FHIT: variants seen among roughly 807,000 people sequenced by gnomAD.
FHIT encodes fragile histidine triad diadenosine triphosphatase, also known as bis(5'-adenosyl)-triphosphatase.
Under a neutral mutation model 17.9 loss-of-function variants are expected in FHIT, and 19 were observed. The observed-to-expected ratio is 1.06, with a 90% confidence interval of 0.74 to 1.56. The LOEUF (loss-of-function observed/expected upper bound fraction) is 1.56. FHIT is among the 40% of genes most tolerant of loss of function. The pLI, the probability that FHIT is intolerant of heterozygous loss-of-function variation, is 0.00. For missense variants in FHIT, 248 were observed against 189.2 expected, an observed-to-expected ratio of 1.31 and a Z score of -1.82; for synonymous variants, 81 against 69.7, an observed-to-expected ratio of 1.16 and a Z score of -0.81.
At chr3:60,757,835 G>A (rs1699500858) in intron 4 of FHIT, among the ~76,000 whole-genome samples, 1 of 152,174 alleles carries the variant, frequency 6.6e-6, no homozygotes, top group African/African-American at 2.4e-5. Flanking sequence ...TGTGAAGAAT[G>A]GATGACACGA....
chr3:59,784,092 T>C (rs371334198), intron 8 of FHIT, among the ~76,000 whole-genome samples: 59 of 152,300 alleles, frequency 3.9e-4, no homozygotes, highest in African/African-American at 1.3e-3. Context: ...GATATAAAAA[T>C]GATTGGACCG....
intron 8 of FHIT, among the ~76,000 whole-genome samples, chr3:59,861,976 T>C (rs1351855183): frequency 6.6e-6 from 1 of 151,080 alleles, no homozygotes; most frequent in Non-Finnish European, 1.5e-5. Flanking sequence ...ATGATGAATA[T>C]AAACAAAAAA....
At chr3:60,046,366 C>T (rs758656502) in intron 5 of FHIT, among the ~76,000 whole-genome samples, 4 of 152,228 alleles carry the variant, frequency 2.6e-5, no homozygotes, top group Non-Finnish European at 4.4e-5. Context: ...CCAGCTGCGT[C>T]TGTCAATGGA....
chr3:61,051,539 A>AC (rs1199024614), intron 2 of FHIT, among the ~76,000 whole-genome samples: 1 of 151,506 alleles, frequency 6.6e-6, no homozygotes, highest in Non-Finnish European at 1.5e-5. Context: ...CTGAGACACC[A>AC]CCCCTGGCTT....
intron 7 of FHIT, among the ~76,000 whole-genome samples, chr3:59,944,677 C>A (rs1706707400): frequency 6.6e-6 from 1 of 152,110 alleles, no homozygotes; most frequent in African/African-American, 2.4e-5. Context: ...TCCCTTCACC[C>A]ACCTTCTACA....
intron 5 of FHIT, among the ~76,000 whole-genome samples, chr3:60,145,328 T>C (rs1393613639): frequency 6.6e-6 from 1 of 152,238 alleles, no homozygotes; most frequent in Non-Finnish European, 1.5e-5. Context: ...ATGTAAATTA[T>C]GTACAAGCTT....
intron 8 of FHIT, among the ~76,000 whole-genome samples, chr3:59,802,232 T>G (rs1307651937): frequency 6.6e-6 from 1 of 152,184 alleles, no homozygotes; most frequent in Admixed American, 6.5e-5. Context: ...TTGGCAATAA[T>G]TAACTGTAGC....
At chr3:59,926,620 A>AG (rs1399624824) in intron 7 of FHIT, among the ~76,000 whole-genome samples, 1 of 152,224 alleles carries the variant, frequency 6.6e-6, no homozygotes, top group East Asian at 1.9e-4. Flanking sequence ...CCAACAGCCC[A>AG]GAGAACAAAT....
intron 3 of FHIT, among the ~76,000 whole-genome samples, chr3:60,972,158 T>C (rs914726404): frequency 6.6e-6 from 1 of 152,192 alleles, no homozygotes; most frequent in East Asian, 1.9e-4. Flanking sequence ...CATAGACACT[T>C]ACTTATATAT....
intron 5 of FHIT, among the ~76,000 whole-genome samples, chr3:60,412,663 G>T (rs1214825710): frequency 6.6e-6 from 1 of 152,044 alleles, no homozygotes; most frequent in African/African-American, 2.4e-5. Flanking sequence ...GTAACTCAAG[G>T]TTTCTCACCT....
chr3:61,082,590 T>C (rs2035174936), intron 2 of FHIT, among the ~76,000 whole-genome samples: 2 of 152,202 alleles, frequency 1.3e-5, no homozygotes. Flanking sequence ...TCACAGGGCC[T>C]ACAATTGTTT....
chr3:60,812,233 G>A (rs192158186), intron 4 of FHIT, among the ~76,000 whole-genome samples: 2 of 150,640 alleles, frequency 1.3e-5, no homozygotes, highest in African/African-American at 4.9e-5. Context: ...AGTCATCTTG[G>A]CTCACTGCAA....
intron 5 of FHIT, among the ~76,000 whole-genome samples, chr3:60,060,328 G>A: frequency 6.6e-6 from 1 of 152,124 alleles, no homozygotes; most frequent in East Asian, 1.9e-4. Flanking sequence ...TTAGACCGTA[G>A]AATCAATACT....
intron 2 of FHIT, among the ~76,000 whole-genome samples, chr3:61,174,432 T>C (rs891084037): frequency 6.6e-6 from 1 of 152,184 alleles, no homozygotes; most frequent in African/African-American, 2.4e-5. Context: ...TAAATAGGCA[T>C]GTCATTAAAT....
At chr3:60,465,946 G>T (rs903551214) in intron 5 of FHIT, among the ~76,000 whole-genome samples, 1 of 151,954 alleles carries the variant, frequency 6.6e-6, no homozygotes, top group African/African-American at 2.4e-5. Context: ...TTTTTATATG[G>T]ATTGCATTGA....
At chr3:60,040,096 G>A (rs1701373945) in intron 5 of FHIT, among the ~76,000 whole-genome samples, 1 of 152,104 alleles carries the variant, frequency 6.6e-6, no homozygotes, top group Non-Finnish European at 1.5e-5. Context: ...AACAAAGATA[G>A]TGTCAAAAAA....
intron 2 of FHIT, among the ~76,000 whole-genome samples, chr3:61,070,082 C>G (rs13067370): frequency 6.6e-6 from 1 of 151,816 alleles, no homozygotes; most frequent in Admixed American, 6.6e-5. Flanking sequence ...TTAGTAGAGA[C>G]GGGGTTTCAC....
At chr3:60,615,804 C>G (rs1477158529) in intron 4 of FHIT, among the ~76,000 whole-genome samples, 1 of 152,186 alleles carries the variant, frequency 6.6e-6, no homozygotes, top group Non-Finnish European at 1.5e-5. Context: ...AAGGCTCCAT[C>G]TAAGCTCTCT....
intron 3 of FHIT, among the ~76,000 whole-genome samples, chr3:61,039,689 A>G (rs144124919): frequency 0.013 from 1,966 of 152,064 alleles, 42 homozygotes; most frequent in African/African-American, 0.044. Context: ...AACATCACAT[A>G]CCGGGGCCTA....
Sources: gnomAD v4.1 joint callset for allele counts (sites outside exome capture counted in the v4.1 genomes callset) on GRCh38, gnomAD v4.1.1 for gene constraint, MANE v1.5 for transcripts, NCBI Gene and HGNC (gene_info 2026-07-23, HGNC 2026-07-21) for gene names.